SPATS2: variants seen among roughly 807,000 people sequenced by gnomAD.
SPATS2 encodes spermatogenesis-associated serine-rich protein 2.
Under a neutral mutation model 63.7 loss-of-function variants are expected in SPATS2, and 38 were observed. That is an observed-to-expected ratio of 0.60 (90% CI 0.46 to 0.78). The LOEUF (loss-of-function observed/expected upper bound fraction) is 0.78, where lower values mean the gene tolerates loss of function less well. SPATS2 is among the 30% of genes least tolerant of loss of function. The probability of loss-of-function intolerance (pLI) is 0.00; values close to 1 mark genes in which losing one functional copy is unlikely to be tolerated. For missense variants in SPATS2, 588 were observed against 666.2 expected, an observed-to-expected ratio of 0.88 and a Z score of 1.29; for synonymous variants, 207 against 232.9, an observed-to-expected ratio of 0.89 and a Z score of 1.01.
intron 2 of SPATS2, among the ~76,000 whole-genome samples, chr12:49,382,701 ATTTT>A (rs1944243835): frequency 6.6e-6 from 1 of 151,994 alleles, no homozygotes; most frequent in Non-Finnish European, 1.5e-5. Context: ...ATATTTTTGT[ATTTT>A]GTTTGTTTGT....
At chr12:49,375,695 CAT>C (rs1376161629) in intron 2 of SPATS2, among the ~76,000 whole-genome samples, 5 of 152,148 alleles carry the variant, frequency 3.3e-5, no homozygotes, top group African/African-American at 9.7e-5. Context: ...AGCTTTGTGA[CAT>C]GTGATGAAAA....
intron 2 of SPATS2, among the ~76,000 whole-genome samples, chr12:49,403,456 C>T (rs372840719): frequency 1.3e-4 from 19 of 151,960 alleles, no homozygotes; most frequent in African/African-American, 4.6e-4. Flanking sequence ...GGTGAAATCC[C>T]GTCTCTACTA....
chr12:49,412,661 G>A (rs1425227140), intron 2 of SPATS2, among the ~76,000 whole-genome samples: 2 of 151,586 alleles, frequency 1.3e-5, no homozygotes, highest in Admixed American at 6.6e-5. Context: ...TAGGAGGATC[G>A]CTTGAAGCCA....
intron 2 of SPATS2, among the ~76,000 whole-genome samples, chr12:49,414,805 C>T (rs971015097): frequency 6.6e-6 from 1 of 152,034 alleles, no homozygotes; most frequent in Non-Finnish European, 1.5e-5. Context: ...CACTATGTTG[C>T]CCAGGCTGGT....
intron 3 of SPATS2, 131 bp from the exon 4 acceptor site, chr12:49,484,459 G>T (rs1946255368): frequency 1.4e-6 from 1 of 701,494 alleles, no homozygotes; most frequent in South Asian, 1.9e-5. Flanking sequence ...CTATGTAACA[G>T]AATTTGCCAA....
At chr12:49,525,023 A>C in intron 13 of SPATS2, 127 bp downstream of exon 13, 1 of 928,392 alleles carries the variant, frequency 1.1e-6, no homozygotes, top group East Asian at 2.6e-5. Context: ...GAATCCCTCC[A>C]ACCCAAGTTA....
intron 4 of SPATS2, chr12:49,486,319 C>T: frequency 2.4e-6 from 1 of 417,952 alleles, no homozygotes; most frequent in South Asian, 1.7e-5. Context: ...GATTCTCCTG[C>T]CTCAACCTCC....
At chr12:49,374,819 G>C (rs1049784797) in intron 2 of SPATS2, among the ~76,000 whole-genome samples, 2 of 151,944 alleles carry the variant, frequency 1.3e-5, no homozygotes, top group African/African-American at 4.8e-5. Context: ...AAATTAGCCG[G>C]GTGTGTTGGT....
intron 3 of SPATS2, among the ~76,000 whole-genome samples, chr12:49,481,132 C>G (rs1353489016): frequency 1.3e-5 from 2 of 152,058 alleles, no homozygotes; most frequent in South Asian, 2.1e-4. Flanking sequence ...TCAAATATAC[C>G]TGAATGTGTG....
chr12:49,384,116 C>T (rs1361625473), intron 2 of SPATS2, among the ~76,000 whole-genome samples: 1 of 152,120 alleles, frequency 6.6e-6, no homozygotes, highest in East Asian at 1.9e-4. Context: ...TTGGATTCCT[C>T]CAGTTTTTCC....
intron 2 of SPATS2, among the ~76,000 whole-genome samples, chr12:49,392,187 G>C (rs1381751116): frequency 1.3e-5 from 2 of 151,298 alleles, no homozygotes; most frequent in Admixed American, 1.3e-4. Flanking sequence ...CTTTTTGCTT[G>C]GATATGAATT....
intron 3 of SPATS2, among the ~76,000 whole-genome samples, chr12:49,483,173 A>G (rs1946235515): frequency 6.7e-6 from 1 of 148,336 alleles, no homozygotes; most frequent in Non-Finnish European, 1.5e-5. Flanking sequence ...ATAAGAGGCT[A>G]GTAATAGAAC....
chr12:49,368,140 A>C (rs998092122), intron 1 of SPATS2, among the ~76,000 whole-genome samples: 1 of 152,232 alleles, frequency 6.6e-6, no homozygotes, highest in African/African-American at 2.4e-5. Flanking sequence ...TTAAAGCAGA[A>C]AGGTAGATTC....
intron 2 of SPATS2, among the ~76,000 whole-genome samples, chr12:49,452,813 A>C (rs1327445142): frequency 6.6e-6 from 1 of 150,778 alleles, no homozygotes. Context: ...CTCTTCGTTA[A>C]GATTTTCTTT....
At chr12:49,498,145 A>AAAAAAAAAAAAAAAAATATATATATAT in intron 8 of SPATS2, among the ~76,000 whole-genome samples, 1 of 98,960 alleles carries the variant, frequency 1.0e-5, no homozygotes, top group South Asian at 3.4e-4. Context: ...AAAAAAAAAA[A>AAAAAAAAAAAAAAAAATATATATATAT]ATATATATAT....
At chr12:49,462,365 T>G in intron 3 of SPATS2, 1 of 702,382 alleles carries the variant, frequency 1.4e-6, no homozygotes, top group Non-Finnish European at 2.6e-6. Flanking sequence ...GTGAACTCTG[T>G]GTGGGCCCCG....
At chr12:49,374,817 C>T (rs1241240586) in intron 2 of SPATS2, among the ~76,000 whole-genome samples, 2 of 151,788 alleles carry the variant, frequency 1.3e-5, no homozygotes, top group Non-Finnish European at 2.9e-5. Flanking sequence ...AAAAATTAGC[C>T]GGGTGTGTTG....
Position 49,496,982 on chromosome 12 carries a change from G to A in SPATS2, c.676G>A (p.Val226Ile). ...TQFSNMGMED[V>I]PLATSKKLSS... The stretch of plus-strand genomic sequence containing the variant: ...GTTTTCAAATATGGGGATGGAAGAT[G>A]TTCCCCTCGCCACCAGTAAAAAGCT... The change falls in exon 8 of 14, where the codon GTT (valine) becomes ATT (isoleucine). Residue 226 changes from valine to isoleucine, a missense_variant. Transcript: ENST00000552918. 6.3e-7 allele frequency: 1 copy of A among 1,579,006 alleles called. No homozygotes were observed. Among genetic ancestry groups the A allele is most frequent in the African/African-American group, 1.4e-5 (1 of 72,864 alleles).
At chr12:49,405,749 C>A (rs569108642) in intron 2 of SPATS2, among the ~76,000 whole-genome samples, 23 of 152,258 alleles carry the variant, frequency 1.5e-4, no homozygotes, top group Admixed American at 3.3e-4. Context: ...TGATAACTTA[C>A]TTTTTCGTAA....
Sources: gnomAD v4.1 joint callset for allele counts (sites outside exome capture counted in the v4.1 genomes callset) on GRCh38, gnomAD v4.1.1 for gene constraint, MANE v1.5 for transcripts, NCBI Gene and HGNC (gene_info 2026-07-23, HGNC 2026-07-21) for gene names.